Variants in SPSB1 observed in about 807,000 individuals in gnomAD.
SPSB1 encodes SPRY domain-containing SOCS box protein 1.
In SPSB1, 8 loss-of-function variants were observed where a neutral mutation model predicts 21.2. The observed-to-expected ratio is 0.38, with a 90% confidence interval of 0.22 to 0.68. The LOEUF (loss-of-function observed/expected upper bound fraction) is 0.68, where lower values mean the gene tolerates loss of function less well. Among genes scored for constraint, SPSB1 ranks in the 30% least tolerant of loss-of-function variants. The pLI, the probability that SPSB1 is intolerant of heterozygous loss-of-function variation, is 0.53. For missense variants in SPSB1, 242 were observed against 377.8 expected (o/e 0.64, Z 2.98); for synonymous variants, 169 against 161.7 (o/e 1.05, Z -0.34).
chr1:9,361,375 C>G (rs1480257046), intron 2 of SPSB1, among the ~76,000 whole-genome samples: 1 of 151,858 alleles, frequency 6.6e-6, no homozygotes, highest in African/African-American at 2.4e-5. Flanking sequence ...GGTAGTTCCA[C>G]TCCCTGGGAT....
chr1:9,299,259 C>A (rs541718402), intron 1 of SPSB1, among the ~76,000 whole-genome samples: 1 of 152,324 alleles, frequency 6.6e-6, no homozygotes, highest in South Asian at 2.1e-4. Context: ...TGCCCCTTGG[C>A]GGTCTGGGCT....
chr1:9,361,117 A>G (rs543371623), intron 2 of SPSB1, among the ~76,000 whole-genome samples: 2 of 140,742 alleles, frequency 1.4e-5, no homozygotes, highest in Non-Finnish European at 3.0e-5. Context: ...AGCATGACAG[A>G]TGGAGGCTCT....
intron 1 of SPSB1, among the ~76,000 whole-genome samples, chr1:9,327,157 AT>A (rs1417678969): frequency 1.3e-5 from 2 of 152,288 alleles, no homozygotes; most frequent in African/African-American, 4.8e-5. Context: ...GGGTCCCAGG[AT>A]GGCCCTCTAA....
intron 1 of SPSB1, among the ~76,000 whole-genome samples, chr1:9,340,415 G>C (rs990119507): frequency 6.6e-6 from 1 of 151,464 alleles, no homozygotes; most frequent in African/African-American, 2.5e-5. Context: ...TGCATGTCAA[G>C]GCAAGGCGTT....
In SPSB1 at chr1:9,364,980, T is replaced by C. The variant is rs183542571; in HGVS notation, c.695-2468T>C. On this transcript the variant is annotated intron_variant, in intron 2 of 2. Transcript: ENST00000328089. ...GATTCTCCTGCCTTAGCCTCCCGAGTAGCCGGGACTACAGGCCCATGCCAC... is the reference window on the plus strand; with the variant it reads ...GATTCTCCTGCCTTAGCCTCCCGAGCAGCCGGGACTACAGGCCCATGCCAC... 2.0e-3 allele frequency among the ~76,000 whole-genome samples: 301 copies of C among 152,254 alleles called. 1 individual carries two copies. Among genetic ancestry groups the C allele is most frequent in the African/African-American group, 6.5e-3 (268 of 41,542 alleles).
intron 1 of SPSB1, among the ~76,000 whole-genome samples, chr1:9,336,415 G>A (rs1007534696): frequency 1.3e-5 from 2 of 152,050 alleles, no homozygotes; most frequent in South Asian, 2.1e-4. Context: ...TAGTAGAGAT[G>A]GGGTTTCTCC....
chr1:9,361,156 C>CATTTTTTTTTTTTTTTTTTTTTT (rs1553128958), intron 2 of SPSB1, among the ~76,000 whole-genome samples: 1 of 102,578 alleles, frequency 9.7e-6, no homozygotes, highest in Non-Finnish European at 1.9e-5. Context: ...CTGTCATTTT[C>CATTTTTTTTTTTTTTTTTTTTTT]TTTTTTTTTT....
chr1:9,360,707 G>C (rs979908289), intron 2 of SPSB1, among the ~76,000 whole-genome samples: 1 of 152,176 alleles, frequency 6.6e-6, no homozygotes, highest in Non-Finnish European at 1.5e-5. Flanking sequence ...CCTCTTCTTA[G>C]AGGGACACCA....
At position 9,356,227 on chromosome 1, in the gene SPSB1, C is replaced by T. The variant is rs757527750; in HGVS notation, c.336C>T (p.His112=). The T allele has an allele frequency of 5.6e-6, 9 of 1,601,830 alleles. No individual in the cohort carries two copies. Among genetic ancestry groups the T allele is most frequent in the Non-Finnish European group, 7.7e-6 (9 of 1,173,200 alleles). The change falls in exon 2 of 3, where the codon CAC becomes CAT. Residue 112 remains histidine (H), a synonymous_variant. Coordinates refer to ENST00000328089, the MANE Select transcript of SPSB1 (RefSeq NM_025106.4). This position sits in a 1 kb window ranked among gnomAD's most constrained non-coding sequence, Gnocchi z 7.4. ...GGGCCATGAGACAGCGGGGCACACA[C>T]GCCGTGGTGGGGGTGGCGACGGCAG... ...ITWAMRQRGT[H]AVVGVATADA...
intron 1 of SPSB1, among the ~76,000 whole-genome samples, chr1:9,347,901 T>C (rs1438081423): frequency 3.3e-5 from 5 of 151,278 alleles, no homozygotes; most frequent in African/African-American, 1.2e-4. Context: ...CCACAGTGTG[T>C]AGGAGTGTCC....
chr1:9,327,596 A>G (rs1639837726), intron 1 of SPSB1, among the ~76,000 whole-genome samples: 1 of 152,078 alleles, frequency 6.6e-6, no homozygotes, highest in Non-Finnish European at 1.5e-5. Flanking sequence ...TGGCCACTCC[A>G]GTGCACCAGG....
chr1:9,361,219 T>G (rs1418505786), intron 2 of SPSB1, among the ~76,000 whole-genome samples: 1 of 135,866 alleles, frequency 7.4e-6, no homozygotes, highest in Non-Finnish European at 1.5e-5. Flanking sequence ...TAGGCTGGTC[T>G]CAAACTCCTG....
chr1:9,342,324 G>A (rs189986847), intron 1 of SPSB1, among the ~76,000 whole-genome samples: 5 of 152,280 alleles, frequency 3.3e-5, no homozygotes, highest in South Asian at 2.1e-4. Context: ...AGAGGTTTGC[G>A]TAGTGACAAG....
intron 1 of SPSB1, among the ~76,000 whole-genome samples, chr1:9,296,996 C>T (rs114192199): frequency 1.0e-3 from 153 of 152,278 alleles, no homozygotes; most frequent in African/African-American, 3.5e-3. Flanking sequence ...CTTAGGCTCT[C>T]GGGGCCTTTC....
chr1:9,295,698 G>A (rs562218537), intron 1 of SPSB1, among the ~76,000 whole-genome samples: 2 of 152,302 alleles, frequency 1.3e-5, no homozygotes, highest in Non-Finnish European at 2.9e-5. Context: ...GGTGTGTGCC[G>A]TGCTCCCTTC....
In SPSB1 at chr1:9,345,947, G is replaced by GTGGCCCCTT. The variant is rs1392809543; in HGVS notation, c.-149-9793_-149-9785dup. The stretch of plus-strand genomic sequence containing the variant: ...CCACGTGTCACAAGCCCTGCTGGTG[G>GTGGCCCCTT]TGGCCCCTTTGCCAGGGGCTCCATG... On this transcript the variant is annotated intron_variant, in intron 1 of 2. Coordinates refer to ENST00000328089, the MANE Select transcript of SPSB1 (RefSeq NM_025106.4). The surrounding 1 kb of genome is among the most constrained non-coding windows in gnomAD (Gnocchi z 4.8). Among the ~76,000 whole-genome samples, 7 of 152,080 alleles carry GTGGCCCCTT rather than the reference G, an allele frequency of 4.6e-5. No homozygotes were observed. In the South Asian group the frequency reaches 8.3e-4, roughly 18 times the overall value.
chr1:9,308,000 C>T (rs1639450462), intron 1 of SPSB1, among the ~76,000 whole-genome samples: 1 of 152,168 alleles, frequency 6.6e-6, no homozygotes. Context: ...GCTCCTCCTC[C>T]TGGGGGGCAG....
At chr1:9,302,012 C>T (rs568408788) in intron 1 of SPSB1, among the ~76,000 whole-genome samples, 24 of 152,200 alleles carry the variant, frequency 1.6e-4, no homozygotes, top group Non-Finnish European at 2.2e-4. Flanking sequence ...TCACGCTGTC[C>T]GTGTAGCACT....
At chr1:9,320,640 C>G (rs1248471733) in intron 1 of SPSB1, among the ~76,000 whole-genome samples, 6 of 152,234 alleles carry the variant, frequency 3.9e-5, no homozygotes, top group Non-Finnish European at 8.8e-5. Flanking sequence ...GAGAAACTGA[C>G]TTGCCCCAAA....
Sources: allele counts gnomAD v4.1 joint callset (sites outside exome capture counted in the v4.1 genomes callset), GRCh38; gene constraint gnomAD v4.1.1; non-coding constraint Gnocchi (gnomAD v3.1); transcripts MANE v1.5; gene names NCBI Gene and HGNC (gene_info 2026-07-23, HGNC 2026-07-21).